MAP2K5: variants seen among roughly 807,000 people sequenced by gnomAD.
MAP2K5 encodes mitogen-activated protein kinase kinase 5, also known as dual specificity mitogen-activated protein kinase kinase 5.
Under a neutral mutation model 83.1 loss-of-function variants are expected in MAP2K5, and 49 were observed. The observed-to-expected ratio is 0.59, with a 90% CI of 0.47 to 0.75. MAP2K5 has a LOEUF of 0.75. Ranked by LOEUF, MAP2K5 falls within the 30% of genes least tolerant of loss-of-function variation. The pLI is 0.00. For missense variants in MAP2K5, 457 were observed against 557.5 expected (o/e 0.82, Z 1.82); for synonymous variants, 202 against 191.8 (o/e 1.05, Z -0.44).
At chr15:67,582,320 A>G (rs577477314) in intron 4 of MAP2K5, among the ~76,000 whole-genome samples, 207 of 152,148 alleles carry the variant, frequency 1.4e-3, no homozygotes, top group African/African-American at 4.8e-3. Context: ...TCGGCCTCCC[A>G]AAGTGCTGGG....
At chr15:67,709,597 A>G (rs2088640649) in intron 16 of MAP2K5, among the ~76,000 whole-genome samples, 1 of 152,156 alleles carries the variant, frequency 6.6e-6, no homozygotes, top group African/African-American at 2.4e-5. Context: ...TTAGAGCATA[A>G]TTTCTGAATT....
intron 11 of MAP2K5, among the ~76,000 whole-genome samples, chr15:67,654,898 TA>T (rs923040755): frequency 3.3e-5 from 5 of 150,294 alleles, no homozygotes; most frequent in East Asian, 2.0e-4. Context: ...TCGTCTCTCC[TA>T]AAAAAAAATA....
intron 19 of MAP2K5, among the ~76,000 whole-genome samples, chr15:67,751,769 C>T (rs1232559999): frequency 6.6e-6 from 1 of 152,162 alleles, no homozygotes; most frequent in Non-Finnish European, 1.5e-5. Context: ...TATTGATGCC[C>T]TCCAGGGCTG....
chr15:67,571,803 C>G (rs143019232), intron 3 of MAP2K5, among the ~76,000 whole-genome samples: 1 of 152,088 alleles, frequency 6.6e-6, no homozygotes, highest in Non-Finnish European at 1.5e-5. Context: ...GTCACTCACT[C>G]GCTGGTTTGT....
At chr15:67,789,065 A>G (rs1027366076) in intron 21 of MAP2K5, among the ~76,000 whole-genome samples, 2 of 151,848 alleles carry the variant, frequency 1.3e-5, no homozygotes, top group African/African-American at 4.8e-5. Context: ...CCTAATCTCT[A>G]GAGATAAGCA....
chr15:67,605,913 A>G (rs2085769086), intron 8 of MAP2K5, among the ~76,000 whole-genome samples: 1 of 152,244 alleles, frequency 6.6e-6, no homozygotes, highest in Non-Finnish European at 1.5e-5. Flanking sequence ...CCTAGAAGAA[A>G]AAGAATATCC....
intron 4 of MAP2K5, among the ~76,000 whole-genome samples, chr15:67,584,728 G>C (rs922419332): frequency 7.0e-6 from 1 of 143,518 alleles, no homozygotes; most frequent in African/African-American, 2.6e-5. Context: ...GCCCAGGCTG[G>C]AGTGCAGTGG....
chr15:67,616,915 C>T (rs1294194666), intron 8 of MAP2K5, among the ~76,000 whole-genome samples: 2 of 152,192 alleles, frequency 1.3e-5, no homozygotes, highest in Non-Finnish European at 2.9e-5. Context: ...TTGTGTCCCT[C>T]TTTTCACTAA....
intron 16 of MAP2K5, among the ~76,000 whole-genome samples, chr15:67,709,508 C>T (rs994199496): frequency 6.8e-6 from 1 of 146,086 alleles, no homozygotes; most frequent in African/African-American, 2.5e-5. Context: ...CAGGGCTAAA[C>T]TTTAAAATGA....
In MAP2K5 at chr15:67,590,442, C is replaced by CTCTCTCTCTCTCTCTCTCT. The variant is rs2085377738; in HGVS notation, c.432-2484_432-2483insTCTCTCTCTCTCTCTCTCT. 1.7e-3 allele frequency among the ~76,000 whole-genome samples: 10 copies of CTCTCTCTCTCTCTCTCTCT among 5,836 alleles called. 1 individual carries two copies. Among genetic ancestry groups the CTCTCTCTCTCTCTCTCTCT allele is most frequent in the African/African-American group, 3.4e-3 (9 of 2,658 alleles). 3.8% of individuals were successfully genotyped at this position (5,836 alleles called of 152,430 possible). ...CCCTCCCTCCCTCTCTCTCTCCCTC[C>CTCTCTCTCTCTCTCTCTCT]CTCCCTCTCTCTCTCTCTCTCTCTC... On this transcript the variant is annotated intron_variant, in intron 6 of 21. Coordinates refer to ENST00000178640, the MANE Select transcript of MAP2K5 (RefSeq NM_145160.3).
chr15:67,605,666 T>G (rs144204660), intron 8 of MAP2K5, among the ~76,000 whole-genome samples: 1 of 152,284 alleles, frequency 6.6e-6, no homozygotes, highest in East Asian at 1.9e-4. Context: ...CAGCATTTCT[T>G]TTCTTTTTGC....
Position 67,555,655 on chromosome 15 carries a change from A to T in MAP2K5, c.184+5573A>T, listed in dbSNP as rs2084609083. 6.6e-6 allele frequency among the ~76,000 whole-genome samples: 1 copy of T among 152,192 alleles called. No individual in the cohort carries two copies. The highest frequency in any genetic ancestry group is 1.5e-5 in the Non-Finnish European group (1 of 68,024). ...CCCTCCAACCCCATCAACTCTGGAT[A>T]TTAGCAAACCTTTTAGTCAATGTCA... On this transcript the variant is annotated intron_variant, in intron 2 of 21. Transcript: ENST00000178640. The surrounding 1 kb of genome is among the most constrained non-coding windows in gnomAD (Gnocchi z 5.2).
At chr15:67,664,725 T>C in intron 13 of MAP2K5, 80 bp downstream of exon 13, 1 of 888,272 alleles carries the variant, frequency 1.1e-6, no homozygotes, top group Non-Finnish European at 1.8e-6. Context: ...TTAAAGTAAG[T>C]GTTCTGACAT....
chr15:67,592,851 A>G (rs2085444596), intron 6 of MAP2K5, 75 bp from the exon 7 acceptor site: 1 of 990,154 alleles, frequency 1.0e-6, no homozygotes, highest in Non-Finnish European at 1.6e-6. Flanking sequence ...GCAAAGGTGT[A>G]TTTCAGTCTG....
chr15:67,777,095 G>C lies in MAP2K5; in HGVS notation c.1242+4343G>C, dbSNP rs919235735. On this transcript the variant is annotated intron_variant, in intron 21 of 21. Transcript: ENST00000178640. This position sits in a 1 kb window ranked among gnomAD's most constrained non-coding sequence, Gnocchi z 6.0. ...AGCTCCCTTGCTTCTGTCCTTTAGA[G>C]TTACTTGGCCAGGAGCTGACTGTAG... Among the ~76,000 whole-genome samples the C allele has an allele frequency of 6.6e-6, 1 of 152,204 alleles. No homozygotes were observed. The highest frequency in any genetic ancestry group is 1.5e-5 in the Non-Finnish European group (1 of 68,038).
intron 1 of MAP2K5, among the ~76,000 whole-genome samples, chr15:67,544,194 G>C (rs1407504336): frequency 6.6e-6 from 1 of 152,176 alleles, no homozygotes; most frequent in Admixed American, 6.5e-5. Flanking sequence ...TGCCCAGCCT[G>C]AGCAAACTTA....
At chr15:67,598,226 A>G (rs1214450643) in intron 7 of MAP2K5, among the ~76,000 whole-genome samples, 2 of 152,090 alleles carry the variant, frequency 1.3e-5, no homozygotes, top group Admixed American at 6.5e-5. Flanking sequence ...AACTAAAACT[A>G]AAACTAAAAA....
chr15:67,641,084 T>C (rs1013174605), intron 9 of MAP2K5, among the ~76,000 whole-genome samples: 4 of 152,232 alleles, frequency 2.6e-5, no homozygotes, highest in Non-Finnish European at 5.9e-5. Flanking sequence ...ACAGAACCTT[T>C]TTATACCATT....
rs111468310 is a variant in MAP2K5, at chr15:67,637,910, A to ATGTGTGTGTG, written c.585+6984_585+6993dup. On this transcript the variant is annotated intron_variant, in intron 9 of 21. Coordinates refer to ENST00000178640, the MANE Select transcript of MAP2K5 (RefSeq NM_145160.3). The surrounding 1 kb of genome is among the most constrained non-coding windows in gnomAD (Gnocchi z 4.5). ...ATGTCCAATGTCTGGAAGCCTGTTG[A>ATGTGTGTGTG]TGTGTGTGTGAGTGTGTGTGTATGT... Among the ~76,000 whole-genome samples the ATGTGTGTGTG allele has an allele frequency of 2.0e-5, 3 of 150,512 alleles. No individual in the cohort carries two copies. The highest frequency in any genetic ancestry group is 4.9e-5 in the African/African-American group (2 of 40,992).
Sources: allele counts gnomAD v4.1 joint callset (sites outside exome capture counted in the v4.1 genomes callset), GRCh38; gene constraint gnomAD v4.1.1; non-coding constraint Gnocchi (gnomAD v3.1); transcripts MANE v1.5; gene names NCBI Gene and HGNC (gene_info 2026-07-23, HGNC 2026-07-21).